CORO7: variants seen among roughly 807,000 people sequenced by gnomAD.
CORO7 encodes coronin 7.
In CORO7, 107 loss-of-function variants were observed where a neutral mutation model predicts 126.6. The observed-to-expected ratio is 0.85, with a 90% confidence interval of 0.72 to 0.99. CORO7 has a LOEUF of 0.99. Ranked by LOEUF, CORO7 falls within the 50% of genes least tolerant of loss-of-function variation. The pLI, the probability that CORO7 is intolerant of heterozygous loss-of-function variation, is 0.00. For missense variants in CORO7, 1,314 were observed against 1,255.8 expected (o/e 1.05, Z -0.70); for synonymous variants, 603 against 536.8 (o/e 1.12, Z -1.70).
Position 4,362,180 on chromosome 16 carries a change from T to G in CORO7, c.1403-20A>C, listed in dbSNP as rs372424990. On this transcript the variant is annotated intron_variant, in intron 15 of 27. Transcript: ENST00000251166. This position sits in a 1 kb window ranked among gnomAD's most constrained non-coding sequence, Gnocchi z 5.3. Reference sequence around the variant, plus strand: ...TGGGGCCTGGCAGGTGGCAGGGACATGGAACCACGTGTGAGGATGCCGTCC... The same window carrying G: ...TGGGGCCTGGCAGGTGGCAGGGACAGGGAACCACGTGTGAGGATGCCGTCC... The G allele has an allele frequency of 3.2e-5, 51 of 1,598,502 alleles. No individual in the cohort carries two copies. Among genetic ancestry groups the G allele is most frequent in the Non-Finnish European group, 4.3e-5 (51 of 1,172,706 alleles).
chr16:4,416,566 G>T lies in CORO7; in HGVS notation c.-48C>A. ...GCGTCTTCGAGGACCCCGGGCGTCG[G>T]GTCTCAGGTGCACGCTGAGCAACCG... is the stretch of plus-strand genomic sequence containing the variant. On this transcript the variant is annotated 5_prime_UTR_variant, in exon 1 of 28. Transcript: ENST00000251166. The T allele has an allele frequency of 6.4e-7, 1 of 1,566,760 alleles. No individual in the cohort carries two copies. Among genetic ancestry groups the T allele is most frequent in the Non-Finnish European group, 8.6e-7 (1 of 1,160,762 alleles).
intron 4 of CORO7, 31 bp from the exon 5 acceptor site, chr16:4,407,715 G>A (rs2056057828): frequency 1.3e-6 from 2 of 1,538,002 alleles, no homozygotes; most frequent in Admixed American, 2.1e-5. Flanking sequence ...GTGAGCACAG[G>A]GCTGAGGGCC....
intron 9 of CORO7, chr16:4,382,019 GC>G (rs1379163748): frequency 6.2e-7 from 1 of 1,602,522 alleles, no homozygotes. Flanking sequence ...ACCTGGCTTA[GC>G]CCCACAGAGC....
rs552059256 is a variant in CORO7, at chr16:4,359,332, C to T, written c.2304G>A (p.Leu768=). 20 of 1,612,474 alleles carry T rather than the reference C, an allele frequency of 1.2e-5. No homozygotes were observed. The highest frequency in any genetic ancestry group is 5.3e-5 in the African/African-American group (4 of 75,054). The change falls in exon 23 of 28, where the codon CTG becomes CTA. Residue 768 remains leucine (L), a synonymous_variant. Coordinates refer to ENST00000251166, the MANE Select transcript of CORO7 (RefSeq NM_024535.5). ...YELLPESPFF[L]ECNSFTSPDP... ...CAGGCGACGTGAAGCTGTTGCACTC[C>T]AGGAAGAAAGGGGACTCGGGGAGCA...
rs768334202 is a variant in CORO7 at position 4,388,602 on chromosome 16, A to G, written c.645T>C (p.Asp215=). The G allele has an allele frequency of 7.4e-6, 12 of 1,612,882 alleles. No homozygotes were observed. The highest frequency in any genetic ancestry group is 9.3e-6 in the Non-Finnish European group (11 of 1,179,788). Reference sequence around the variant, plus strand: ...AGGTGCCCATCCATGCCAGCCGGCTATCCCTGCTGTTCTCATGGGCCTGCG... The same window carrying G: ...AGGTGCCCATCCATGCCAGCCGGCTGTCCCTGCTGTTCTCATGGGCCTGCG... ...QSTQAHENSR[D]SRLAWMGTWE... Residue 215 remains aspartate (D), a synonymous_variant, in exon 8 of 28, where the codon GAT becomes GAC. Transcript: ENST00000251166.
chr16:4,364,903 C>G lies in CORO7; in HGVS notation c.916G>C (p.Glu306Gln). The change falls in exon 12 of 28, where the codon GAG becomes CAG. Residue 306 changes from glutamate (E) to glutamine (Q), a missense_variant. Glu to Gln is a conservative substitution (Grantham distance 29, BLOSUM62 2). Transcript: ENST00000251166. The stretch of plus-strand genomic sequence containing the variant: ...AGGGCAGCCCCACGCAGCACGCTCT[C>G]CAGGACACACTGGGTCACTGTTGAG... ...ALSPVTQCVL[E>Q]SVLRGAALVP... 2 of 1,610,976 alleles carry G rather than the reference C, an allele frequency of 1.2e-6. No individual in the cohort carries two copies. The highest frequency in any genetic ancestry group is 8.5e-7 in the Non-Finnish European group (1 of 1,179,222).
At chr16:4,384,455 G>A (rs958464247) in intron 9 of CORO7, among the ~76,000 whole-genome samples, 1 of 152,282 alleles carries the variant, frequency 6.6e-6, no homozygotes, top group African/African-American at 2.4e-5. Flanking sequence ...CTGGGCTGCC[G>A]CTGCAGGGGC....
chr16:4,361,674 C>T, intron 16 of CORO7: 1 of 796,426 alleles, frequency 1.3e-6, no homozygotes. Flanking sequence ...GAGGGGGCAG[C>T]AGCGTGAACT....
chr16:4,411,772 G>A (rs1384523737), intron 3 of CORO7, among the ~76,000 whole-genome samples: 1 of 151,970 alleles, frequency 6.6e-6, no homozygotes, highest in Non-Finnish European at 1.5e-5. Context: ...GACTGGGCCC[G>A]CGGCCGCTGC....
At chr16:4,405,421 C>G in intron 6 of CORO7, 70 bp downstream of exon 6, 9 of 1,525,056 alleles carry the variant, frequency 5.9e-6, no homozygotes, top group Non-Finnish European at 7.9e-6. Flanking sequence ...CCTGGAAGGC[C>G]CAGCCCAGGG....
At chr16:4,396,494 T>C (rs1048439327) in intron 6 of CORO7, among the ~76,000 whole-genome samples, 7 of 152,244 alleles carry the variant, frequency 4.6e-5, no homozygotes, top group African/African-American at 7.2e-5. Flanking sequence ...TTTGTTTTTA[T>C]TGATACCCAA....
At chr16:4,370,241 C>A (rs1348171062) in intron 9 of CORO7, among the ~76,000 whole-genome samples, 1 of 152,166 alleles carries the variant, frequency 6.6e-6, no homozygotes, top group African/African-American at 2.4e-5. Flanking sequence ...GGAAACAGTC[C>A]GACAAGAGGC....
Position 4,360,435 on chromosome 16 carries a change from T to G in CORO7, c.2022+9A>C. 1 of 1,612,882 alleles carries G rather than the reference T, an allele frequency of 6.2e-7. No homozygotes were observed. ...GTCTGAGGCCACTCCCCAGCCCCTGTGTGCTCACCTGCAGGGGCTCAGGGC... is the reference window on the plus strand; with the variant it reads ...GTCTGAGGCCACTCCCCAGCCCCTGGGTGCTCACCTGCAGGGGCTCAGGGC... On this transcript the variant is annotated intron_variant, in intron 20 of 27. Coordinates refer to ENST00000251166, the MANE Select transcript of CORO7 (RefSeq NM_024535.5).
At chr16:4,369,193 C>A (rs2054440858) in intron 9 of CORO7, among the ~76,000 whole-genome samples, 1 of 152,252 alleles carries the variant, frequency 6.6e-6, no homozygotes, top group African/African-American at 2.4e-5. Context: ...TCAGGCAGAG[C>A]CATCTGGACA....
chr16:4,416,490 C>A lies in CORO7; in HGVS notation c.29G>T (p.Arg10Leu), dbSNP rs370609715. 16 of 1,579,414 alleles carry A rather than the reference C, an allele frequency of 1.0e-5. 1 individual carries two copies. Residue 10 changes from arginine to leucine, a missense_variant, in exon 1 of 28, where the codon CGG becomes CTG. Physicochemically the swap from Arg to Leu is moderately radical, Grantham distance 102. Transcript: ENST00000251166. MNRFRVSKF[R>L]HTEARPPRRE... The stretch of plus-strand genomic sequence containing the variant: ...GCGGGGCGGCCGAGCCTCGGTGTGC[C>A]GGAACTTGGACACCCTGAAGCGGTT...
Position 4,359,400 on chromosome 16 carries a change from G to C in CORO7, c.2251-15C>G. ...CGGGTGTCGCCCTGCGGGGAAGAAG[G>C]CAGGCTGGGAACCCTCCGGCAACAC... On this transcript the variant is annotated splice_polypyrimidine_tract_variant and intron_variant, in intron 22 of 27. Coordinates refer to ENST00000251166, the MANE Select transcript of CORO7 (RefSeq NM_024535.5). The C allele has an allele frequency of 6.2e-7, 1 of 1,613,598 alleles. No homozygotes were observed. Among genetic ancestry groups the C allele is most frequent in the Non-Finnish European group, 8.5e-7 (1 of 1,179,964 alleles).
chr16:4,412,512 C>G, intron 2 of CORO7, 82 bp from the exon 3 acceptor site: 1 of 1,486,950 alleles, frequency 6.7e-7, no homozygotes. Flanking sequence ...GAGATGAAAT[C>G]CAGCAGCTCA....
At chr16:4,405,402 AAC>A in intron 6 of CORO7, 87 bp downstream of exon 6, 2 of 1,456,538 alleles carry the variant, frequency 1.4e-6, no homozygotes, top group East Asian at 4.9e-5. Flanking sequence ...CTGCCTCCTA[AAC>A]AACAAGCCTG....
intron 8 of CORO7, 141 bp downstream of exon 8, chr16:4,388,404 C>T: frequency 2.1e-6 from 2 of 938,370 alleles, no homozygotes; most frequent in East Asian, 2.6e-5. Flanking sequence ...GCTCTGAGAC[C>T]CGGCAGCACA....
Sources: gnomAD v4.1 joint callset for allele counts (sites outside exome capture counted in the v4.1 genomes callset) on GRCh38, gnomAD v4.1.1 for gene constraint, Gnocchi (gnomAD v3.1) non-coding constraint, MANE v1.5 for transcripts, NCBI Gene and HGNC (gene_info 2026-07-23, HGNC 2026-07-21) for gene names.